The following TMEM260 variants were observed in gnomAD, a reference collection of about 807,000 sequenced individuals.
TMEM260 encodes the protein protein O-mannosyl-transferase TMEM260.
TMEM260 carries 82 observed loss-of-function variants against 88.9 expected under a neutral mutation model. That is an observed-to-expected ratio of 0.92 (90% CI 0.77 to 1.11). The LOEUF (loss-of-function observed/expected upper bound fraction) is 1.11, where lower values mean the gene tolerates loss of function less well. Among genes scored for constraint, TMEM260 ranks in the 50% least tolerant of loss-of-function variants. The probability of loss-of-function intolerance (pLI) is 0.00; values close to 1 mark genes in which losing one functional copy is unlikely to be tolerated. For missense variants in TMEM260, 902 were observed against 853.4 expected (o/e 1.06, Z -0.71); for synonymous variants, 314 against 309.3 (o/e 1.02, Z -0.16).
intron 10 of TMEM260, chr14:56,619,336 C>G (rs1466697507): frequency 1.3e-5 from 2 of 152,362 alleles, no homozygotes; most frequent in Non-Finnish European, 2.9e-5. Flanking sequence ...ATTAGCATGC[C>G]TTTTTTCTTT....
chr14:56,610,652 T>TA (rs1309807177), intron 6 of TMEM260, among the ~76,000 whole-genome samples: 1 of 152,162 alleles, frequency 6.6e-6, no homozygotes, highest in Non-Finnish European at 1.5e-5. Flanking sequence ...TGTTTCATAA[T>TA]AAAAAAGTAT....
At chr14:56,646,884 TAG>T (rs1890002091) in intron 15 of TMEM260, among the ~76,000 whole-genome samples, 1 of 152,132 alleles carries the variant, frequency 6.6e-6, no homozygotes. Context: ...CAGCTAAATT[TAG>T]AGTTTCAACC....
chr14:56,583,739 G>A (rs1198542945), intron 1 of TMEM260, among the ~76,000 whole-genome samples: 1 of 152,080 alleles, frequency 6.6e-6, no homozygotes, highest in African/African-American at 2.4e-5. Flanking sequence ...GAAGGATTTA[G>A]GGGGAGAATG....
intron 6 of TMEM260, among the ~76,000 whole-genome samples, chr14:56,610,493 C>T (rs1001821690): frequency 1.8e-4 from 27 of 152,130 alleles, no homozygotes; most frequent in African/African-American, 6.3e-4. Context: ...CCACCCTCCT[C>T]GGCCTCCCAA....
chr14:56,622,771 A>G (rs1888011368), intron 11 of TMEM260, among the ~76,000 whole-genome samples: 3 of 152,196 alleles, frequency 2.0e-5, no homozygotes, highest in Admixed American at 2.0e-4. Flanking sequence ...ATTATTAGGC[A>G]TAGTACTTAA....
chr14:56,595,682 C>G (rs1417550899), intron 3 of TMEM260, among the ~76,000 whole-genome samples: 1 of 151,984 alleles, frequency 6.6e-6, no homozygotes, highest in African/African-American at 2.4e-5. Context: ...GAGATGAAAT[C>G]TCACTATGTT....
intron 15 of TMEM260, among the ~76,000 whole-genome samples, chr14:56,639,939 G>A (rs1228959707): frequency 1.3e-5 from 2 of 152,150 alleles, no homozygotes; most frequent in Non-Finnish European, 2.9e-5. Context: ...CTGGAGGAGG[G>A]GTGCCCGCCA....
chr14:56,620,940 A>G (rs182035582), intron 10 of TMEM260, among the ~76,000 whole-genome samples: 1 of 152,290 alleles, frequency 6.6e-6, no homozygotes, highest in Admixed American at 6.5e-5. Flanking sequence ...ATGCCTGGAG[A>G]GAAGTAAACA....
In TMEM260 at chr14:56,621,585, C is replaced by T. The variant is rs1887922279; in HGVS notation, c.1281C>T (p.Leu427=). The T allele has an allele frequency of 1.9e-6, 3 of 1,612,556 alleles. No individual in the cohort carries two copies. Among genetic ancestry groups the T allele is most frequent in the African/African-American group, 1.3e-5 (1 of 74,870 alleles). ...TTGATAAGTTCGCAAAGAACCTTCTCACCTCTATGCCTCATGATGCAATTA... is the reference window on the plus strand; with the variant it reads ...TTGATAAGTTCGCAAAGAACCTTCTTACCTCTATGCCTCATGATGCAATTA... ...YVIDKFAKNL[L]TSMPHDAIIL... The change falls in exon 11 of 16, where the codon CTC becomes CTT. Residue 427 remains leucine (L), a synonymous_variant. Coordinates refer to ENST00000261556, the MANE Select transcript of TMEM260 (RefSeq NM_017799.4).
chr14:56,624,728 A>G (rs1163367313), intron 11 of TMEM260, among the ~76,000 whole-genome samples: 1 of 152,180 alleles, frequency 6.6e-6, no homozygotes, highest in Admixed American at 6.5e-5. Context: ...GGATCATGCC[A>G]TTCTGGCTAT....
intron 3 of TMEM260, among the ~76,000 whole-genome samples, chr14:56,601,558 C>T (rs1023719147): frequency 6.6e-6 from 1 of 152,050 alleles, no homozygotes; most frequent in African/African-American, 2.4e-5. Context: ...TATACATATT[C>T]TGTTACTCCA....
intron 15 of TMEM260, among the ~76,000 whole-genome samples, chr14:56,642,133 G>C (rs535048063): frequency 3.9e-5 from 6 of 152,240 alleles, no homozygotes; most frequent in South Asian, 2.1e-4. Context: ...TCCAGGAATT[G>C]AACTCAGCTC....
chr14:56,582,475 A>T (rs1885199975), intron 1 of TMEM260, among the ~76,000 whole-genome samples: 1 of 152,186 alleles, frequency 6.6e-6, no homozygotes, highest in Admixed American at 6.5e-5. Context: ...GAGAAGTATG[A>T]TATAAAGGGA....
the TMEM260 span, among the ~76,000 whole-genome samples, chr14:56,656,090 C>G: frequency 3.3e-5 from 5 of 152,164 alleles, no homozygotes; most frequent in Non-Finnish European, 7.3e-5. Context: ...AGCTCTGCCA[C>G]TTCCTCACTG....
chr14:56,655,343 C>G (rs563051216), downstream of TMEM260, among the ~76,000 whole-genome samples: 1 of 149,992 alleles, frequency 6.7e-6, no homozygotes. Flanking sequence ...TGAGCTATCA[C>G]GCCACTGCAC....
chr14:56,579,742 A>AT (rs2139482993), upstream of TMEM260: 2 of 511,776 alleles, frequency 3.9e-6, no homozygotes, highest in African/African-American at 2.0e-5. Flanking sequence ...GAGGCCTGGC[A>AT]TTTTCTCCTC....
chr14:56,648,973 AC>A lies in TMEM260; in HGVS notation c.*1478del, dbSNP rs1240129865. The A allele has an allele frequency of 6.6e-6, 1 of 152,636 alleles. No individual in the cohort carries two copies. The highest frequency in any genetic ancestry group is 1.5e-5 in the Non-Finnish European group (1 of 68,082). The allele number at this position is 152,636 out of a possible 1,614,324, so 9.5% of individuals were successfully genotyped here. A position where few individuals can be genotyped will look rare whatever the true frequency, so the allele number is the denominator to read the frequency against. ...AAGGGGGAAAAGCTGAAGTTTCATT[AC>A]CTGATCCATGGGGCTTTGTTGGTTT... On this transcript the variant is annotated 3_prime_UTR_variant, in exon 16 of 16. Transcript: ENST00000261556.
intron 9 of TMEM260, 33 bp from the exon 10 acceptor site, chr14:56,618,561 A>G (rs755250986): frequency 8.1e-6 from 13 of 1,608,804 alleles, no homozygotes; most frequent in Non-Finnish European, 7.6e-6. Flanking sequence ...TAAATAGTCA[A>G]CTGGACCCAC....
chr14:56,613,025 C>T (rs1446187161), intron 7 of TMEM260: 2 of 152,006 alleles, frequency 1.3e-5, no homozygotes, highest in African/African-American at 4.8e-5. Flanking sequence ...TTTTAACATC[C>T]AACCTTATTA....
Sources: gnomAD v4.1 joint callset for allele counts (sites outside exome capture counted in the v4.1 genomes callset) on GRCh38, gnomAD v4.1.1 for gene constraint, MANE v1.5 for transcripts, NCBI Gene and HGNC (gene_info 2026-07-23, HGNC 2026-07-21) for gene names.